Variants in SLIT2 observed in about 807,000 individuals in gnomAD.
SLIT2 encodes slit guidance ligand 2, also known as slit homolog 2 protein.
A neutral mutation model predicts 185.7 loss-of-function variants in SLIT2; 41 were observed. That is an observed-to-expected ratio of 0.22 (90% CI 0.17 to 0.29). The LOEUF (loss-of-function observed/expected upper bound fraction) is 0.29. Among genes scored for constraint, SLIT2 ranks in the 10% least tolerant of loss-of-function variants. The pLI is 1.00. For synonymous variants in SLIT2, 693 were observed against 680.2 expected, an observed-to-expected ratio of 1.02 and a Z score of -0.29; for missense variants, 1,571 against 1,909.0, an observed-to-expected ratio of 0.82 and a Z score of 3.30.
At chr4:20,549,159 T>A (rs746328563) in intron 24 of SLIT2, 31 bp downstream of exon 24, 2 of 1,351,362 alleles carry the variant, frequency 1.5e-6, no homozygotes, top group South Asian at 2.4e-5. Context: ...AGAATATCTC[T>A]TTTCTCAGAG....
intron 28 of SLIT2, 65 bp downstream of exon 28, chr4:20,567,680 A>T (rs141407673): frequency 8.0e-7 from 1 of 1,246,104 alleles, no homozygotes; most frequent in East Asian, 2.3e-5. Flanking sequence ...AAGCCAACAT[A>T]CATTTTCCTT....
In SLIT2 at chr4:20,472,298, A is replaced by ATC. The variant is rs1715229228; in HGVS notation, c.467+4476_467+4477insCT. Among the ~76,000 whole-genome samples the ATC allele has an allele frequency of 1.1e-4, 2 of 19,046 alleles. 1 individual carries two copies. Among genetic ancestry groups the ATC allele is most frequent in the Admixed American group, 2.0e-3 (2 of 992 alleles). The allele number at this position is 19,046 out of a possible 152,430, so 12.5% of individuals were successfully genotyped here. On this transcript the variant is annotated intron_variant, in intron 5 of 36. Transcript: ENST00000504154. ...TATCTATATATATAGATATATAGAT[A>ATC]TATAGATCTATATATAGATATATAT...
intron 4 of SLIT2, among the ~76,000 whole-genome samples, chr4:20,293,552 C>T (rs535972468): frequency 1.5e-4 from 23 of 152,278 alleles, no homozygotes; most frequent in South Asian, 4.1e-4. Context: ...AAGTTCTTAA[C>T]GCGTAGTAAT....
rs534914881 is a variant in SLIT2, at chr4:20,343,547, G to A, written c.395+74666G>A. Among the ~76,000 whole-genome samples the A allele has an allele frequency of 5.9e-5, 9 of 151,904 alleles. No individual in the cohort carries two copies. In the South Asian group the frequency reaches 1.9e-3, roughly 32 times the overall value. On this transcript the variant is annotated intron_variant, in intron 4 of 36. Transcript: ENST00000504154. ...GATTAAGTCTCACTCTGTCACCCAG[G>A]CTGGAGGGCACCGACAGCATCACGG... is the stretch of plus-strand genomic sequence containing the variant.
chr4:20,516,601 T>C (rs1560493083), intron 11 of SLIT2, among the ~76,000 whole-genome samples: 1 of 152,198 alleles, frequency 6.6e-6, no homozygotes, highest in African/African-American at 2.4e-5. Flanking sequence ...ATGATATTTC[T>C]TTCCCTCATT....
At chr4:20,256,275 A>G (rs1711817904) in intron 1 of SLIT2, among the ~76,000 whole-genome samples, 1 of 151,300 alleles carries the variant, frequency 6.6e-6, no homozygotes, top group African/African-American at 2.4e-5. Flanking sequence ...GAATAGCATG[A>G]GAAAATTGGG....
At chr4:20,412,017 T>C (rs963105532) in intron 4 of SLIT2, among the ~76,000 whole-genome samples, 1 of 152,144 alleles carries the variant, frequency 6.6e-6, no homozygotes, top group African/African-American at 2.4e-5. Context: ...GAAACCATCA[T>C]TAATATTCTT....
chr4:20,450,541 A>G (rs1290207388), intron 4 of SLIT2, among the ~76,000 whole-genome samples: 1 of 152,148 alleles, frequency 6.6e-6, no homozygotes, highest in Admixed American at 6.5e-5. Context: ...CTCCAGATGG[A>G]CAAGACCATA....
At chr4:20,359,716 C>T (rs1722590718) in intron 4 of SLIT2, among the ~76,000 whole-genome samples, 1 of 151,982 alleles carries the variant, frequency 6.6e-6, no homozygotes, top group South Asian at 2.1e-4. Flanking sequence ...GGCTGCCACA[C>T]AAGACATTAA....
rs146428018 is a variant in SLIT2, at chr4:20,556,372, G to A, written c.2725+2404G>A. Among the ~76,000 whole-genome samples, 400 of 152,006 alleles carry A rather than the reference G, an allele frequency of 2.6e-3. 5 individuals are homozygous for A. The highest frequency in any genetic ancestry group is 8.9e-3 in the African/African-American group (370 of 41,356). The stretch of plus-strand genomic sequence containing the variant: ...CAAACTGATTCTGTTACACCTTTCT[G>A]TGCCCAGCGATACTCATACTTTATT... On this transcript the variant is annotated intron_variant, in intron 26 of 36. Coordinates refer to ENST00000504154, the MANE Select transcript of SLIT2 (RefSeq NM_004787.4).
intron 4 of SLIT2, among the ~76,000 whole-genome samples, chr4:20,343,150 A>G (rs1272735504): frequency 2.0e-5 from 3 of 152,038 alleles, no homozygotes; most frequent in Non-Finnish European, 4.4e-5. Flanking sequence ...ATCAAAGGTT[A>G]GGATTTATTC....
chr4:20,300,626 A>C (rs1716951267), intron 4 of SLIT2, among the ~76,000 whole-genome samples: 1 of 152,130 alleles, frequency 6.6e-6, no homozygotes, highest in Non-Finnish European at 1.5e-5. Context: ...ACACACAAAT[A>C]TAGACATCCT....
chr4:20,545,234 T>A (rs1723144904), intron 21 of SLIT2, among the ~76,000 whole-genome samples: 1 of 151,940 alleles, frequency 6.6e-6, no homozygotes. Context: ...ATGGCCCCAG[T>A]TTCTGAATGA....
intron 30 of SLIT2, among the ~76,000 whole-genome samples, chr4:20,594,963 G>C (rs1372405569): frequency 3.3e-5 from 5 of 152,172 alleles, no homozygotes; most frequent in Non-Finnish European, 5.9e-5. Context: ...GGTTAGAGCA[G>C]GGCCAGAGGA....
chr4:20,491,818 C>T lies in SLIT2; in HGVS notation c.833C>T (p.Thr278Ile). The T allele has an allele frequency of 6.2e-7, 1 of 1,613,892 alleles. No individual in the cohort carries two copies. The highest frequency in any genetic ancestry group is 8.5e-7 in the Non-Finnish European group (1 of 1,179,850). Reference protein sequence around the residue: ...CSVLHCPAACTCSNNIVDCRG... With the variant: ...CSVLHCPAACICSNNIVDCRG... Reference sequence around the variant, plus strand: ...GTTTTGCACTGCCCTGCCGCCTGTACCTGTAGCAACAATATCGTAGACTGT... The same window carrying T: ...GTTTTGCACTGCCCTGCCGCCTGTATCTGTAGCAACAATATCGTAGACTGT... The change falls in exon 9 of 37, where the codon ACC (threonine) becomes ATC (isoleucine). Residue 278 changes from threonine (T) to isoleucine (I), a missense_variant. Physicochemically the swap from Thr to Ile is moderately conservative, Grantham distance 89. Coordinates refer to ENST00000504154, the MANE Select transcript of SLIT2 (RefSeq NM_004787.4).
intron 4 of SLIT2, among the ~76,000 whole-genome samples, chr4:20,405,296 C>T (rs1420683732): frequency 1.3e-5 from 2 of 151,846 alleles, no homozygotes; most frequent in East Asian, 3.9e-4. Flanking sequence ...TGAGTATGTC[C>T]TGCTTCCCTT....
chr4:20,379,417 C>T (rs1045192316), intron 4 of SLIT2, among the ~76,000 whole-genome samples: 6 of 152,000 alleles, frequency 3.9e-5, no homozygotes, highest in South Asian at 2.1e-4. Flanking sequence ...GGATATATGT[C>T]GCCTTATCCA....
intron 4 of SLIT2, among the ~76,000 whole-genome samples, chr4:20,272,763 T>A (rs368754510): frequency 2.2e-4 from 33 of 152,118 alleles, no homozygotes; most frequent in Admixed American, 2.6e-4. Flanking sequence ...AAACCAAAAC[T>A]AAACAAACAA....
chr4:20,512,334 A>G (rs574613952), intron 11 of SLIT2, among the ~76,000 whole-genome samples: 95 of 152,318 alleles, frequency 6.2e-4, no homozygotes, highest in Non-Finnish European at 1.0e-3. Context: ...ATCTGGGCAC[A>G]TGAGTGTTCC....
Sources: gnomAD v4.1 joint callset for allele counts (sites outside exome capture counted in the v4.1 genomes callset) on GRCh38, gnomAD v4.1.1 for gene constraint, MANE v1.5 for transcripts, NCBI Gene and HGNC (gene_info 2026-07-23, HGNC 2026-07-21) for gene names.